Variants in GSE1 observed in about 807,000 individuals in gnomAD.
The protein encoded by GSE1 is Gse1 coiled-coil protein.
A neutral mutation model predicts 112.6 loss-of-function variants in GSE1; 32 were observed. The ratio of observed to expected loss-of-function variants is 0.28; its 90% CI spans 0.21 to 0.38. The LOEUF (loss-of-function observed/expected upper bound fraction) is 0.38. GSE1 is among the 10% of genes least tolerant of loss of function. The pLI, the probability that GSE1 is intolerant of heterozygous loss-of-function variation, is 1.00. For synonymous variants in GSE1, 1,115 were observed against 735.6 expected, an observed-to-expected ratio of 1.52 and a Z score of -8.35; for missense variants, 2,348 against 1,699.2, an observed-to-expected ratio of 1.38 and a Z score of -6.71.
rs139974156 is a variant in GSE1, at chr16:85,375,183, G to A, written c.2464+17540G>A. 1.9e-4 allele frequency among the ~76,000 whole-genome samples: 29 copies of A among 152,210 alleles called. No homozygotes were observed. The East Asian group carries it at 3.1e-3, about 16-fold the overall frequency. The stretch of plus-strand genomic sequence containing the variant: ...CCCAGCTCAGGCTGTGCGAGCTGCC[G>A]GCACCCTGCCTGTCACTGCCACTCT... On this transcript the variant is annotated intron_variant, in intron 2 of 2. Transcript: ENST00000637419.
intron 1 of GSE1, among the ~76,000 whole-genome samples, chr16:85,263,210 T>G (rs1233247921): frequency 6.6e-6 from 1 of 152,144 alleles, no homozygotes; most frequent in Non-Finnish European, 1.5e-5. Flanking sequence ...GAGATCATCA[T>G]CATCATGATG....
chr16:85,331,347 G>GTATA (rs1567692423), intron 1 of GSE1, among the ~76,000 whole-genome samples: 6 of 70,110 alleles, frequency 8.6e-5, no homozygotes. Flanking sequence ...GTGTGTGTGT[G>GTATA]TGTGTGTGTG....
chr16:85,581,259 C>G (rs2046437070), intron 1 of GSE1, among the ~76,000 whole-genome samples: 1 of 152,166 alleles, frequency 6.6e-6, no homozygotes, highest in Non-Finnish European at 1.5e-5. Context: ...GGATCTCTTT[C>G]TGCCCCATGC....
chr16:85,496,072 A>G (rs1231556043), intron 2 of GSE1, among the ~76,000 whole-genome samples: 1 of 152,166 alleles, frequency 6.6e-6, no homozygotes, highest in East Asian at 1.9e-4. Context: ...CCGGGTGCAG[A>G]ATCCATCCGA....
rs562924116 is a variant in GSE1, at chr16:85,390,293, A to C, written c.2464+32650A>C. On this transcript the variant is annotated intron_variant, in intron 2 of 2. Coordinates refer to the GSE1 transcript ENST00000637419. ...TGCTGGCGTTGGGGTGGGGGTCATC[A>C]CTCAAGTGACCAAGGGGAGGTGTCC... is the stretch of plus-strand genomic sequence containing the variant. Among the ~76,000 whole-genome samples, 103 of 151,854 alleles carry C rather than the reference A, an allele frequency of 6.8e-4. 1 individual carries two copies. In the Middle Eastern group the frequency reaches 0.01, roughly 15 times the overall value.
intron 1 of GSE1, among the ~76,000 whole-genome samples, chr16:85,346,863 A>G (rs1186460412): frequency 2.0e-5 from 3 of 150,826 alleles, no homozygotes; most frequent in African/African-American, 7.3e-5. Context: ...TGGGTGATGG[A>G]CAGGTAGATG....
chr16:85,459,471 T>C lies in GSE1; in HGVS notation c.2464+101828T>C, dbSNP rs78344484. 6.2e-3 allele frequency among the ~76,000 whole-genome samples: 937 copies of C among 152,314 alleles called. 8 individuals carry two copies. Among genetic ancestry groups the C allele is most frequent in the African/African-American group, 0.021 (886 of 41,568 alleles). ...GGACGACTATACTTGGCAGCCCTTT[T>C]CCCTGGGCTCTTGTTGGCTCCCATC... On this transcript the variant is annotated intron_variant, in intron 2 of 2. Coordinates refer to the GSE1 transcript ENST00000637419.
At chr16:85,454,640 C>T (rs1287125562) in intron 2 of GSE1, among the ~76,000 whole-genome samples, 3 of 152,228 alleles carry the variant, frequency 2.0e-5, no homozygotes, top group East Asian at 1.9e-4. Flanking sequence ...CGGCAGGACG[C>T]GTTCCTTGTG....
At chr16:85,366,624 C>A (rs999162134) in intron 2 of GSE1, among the ~76,000 whole-genome samples, 4 of 152,208 alleles carry the variant, frequency 2.6e-5, no homozygotes, top group African/African-American at 9.6e-5. Context: ...GACCCTCCCG[C>A]CCCTCTGTTT....
chr16:85,203,044 TCTGGCCCCAG>T (rs1054545993), intron 1 of GSE1, among the ~76,000 whole-genome samples: 3 of 146,830 alleles, frequency 2.0e-5, no homozygotes, highest in African/African-American at 7.4e-5. Flanking sequence ...GGAATGTGGC[TCTGGCCCCAG>T]CTGGCCTCGG....
chr16:85,298,792 G>A (rs748261090), intron 1 of GSE1, among the ~76,000 whole-genome samples: 4 of 152,242 alleles, frequency 2.6e-5, no homozygotes, highest in Admixed American at 6.5e-5. Flanking sequence ...GGCCAGGACC[G>A]CATTGTGAAC....
At chr16:85,344,419 C>T (rs2046690272) in intron 1 of GSE1, among the ~76,000 whole-genome samples, 2 of 152,242 alleles carry the variant, frequency 1.3e-5, no homozygotes, top group Admixed American at 6.5e-5. Flanking sequence ...CCGAAGCTCC[C>T]AGGACGACAG....
In GSE1 at chr16:85,311,650, G is replaced by A. The variant is rs184829622; in HGVS notation, c.2284-45813G>A. Among the ~76,000 whole-genome samples the A allele has an allele frequency of 3.4e-3, 515 of 152,284 alleles. 8 individuals carry two copies. The highest frequency in any genetic ancestry group is 0.012 in the African/African-American group (495 of 41,568). On this transcript the variant is annotated intron_variant, in intron 1 of 2. Transcript: ENST00000637419. The surrounding 1 kb of genome is among the most constrained non-coding windows in gnomAD (Gnocchi z 4.2). ...CCTTCTCCAGGGCCCCTTGGGCTGTGTACCTGGGCCTGGTGGCTCTGTCTG... is the reference window on the plus strand; with the variant it reads ...CCTTCTCCAGGGCCCCTTGGGCTGTATACCTGGGCCTGGTGGCTCTGTCTG...
In GSE1 at chr16:85,661,290, G is replaced by A; in HGVS notation, c.1785G>A (p.Leu595=). 1.2e-6 allele frequency: 2 copies of A among 1,612,894 alleles called. No homozygotes were observed. Among genetic ancestry groups the A allele is most frequent in the Non-Finnish European group, 8.5e-7 (1 of 1,179,978 alleles). The change falls in exon 9 of 16, where the codon TTG becomes TTA. Residue 595 remains leucine, a synonymous_variant. Coordinates refer to ENST00000253458, the MANE Select transcript of GSE1 (RefSeq NM_014615.5). ...WNPVSLMDNT[L]ETRRAESHSL... Reference sequence around the variant, plus strand: ...CCGTGTCCCTGATGGACAACACCTTGGAGACGCGGCGGGCCGAAAGCCACT... The same window carrying A: ...CCGTGTCCCTGATGGACAACACCTTAGAGACGCGGCGGGCCGAAAGCCACT...
chr16:85,233,624 G>A (rs557167554), intron 1 of GSE1, among the ~76,000 whole-genome samples: 158 of 152,306 alleles, frequency 1.0e-3, no homozygotes, highest in African/African-American at 3.5e-3. Flanking sequence ...GCATGTGTGT[G>A]TGTGCATGTG....
At chr16:85,529,622 C>A (rs949483993) in intron 2 of GSE1, among the ~76,000 whole-genome samples, 1 of 152,164 alleles carries the variant, frequency 6.6e-6, no homozygotes, top group African/African-American at 2.4e-5. Flanking sequence ...GGCCCCTTTT[C>A]CTTGCCTAAC....
chr16:85,193,954 CTTGTGTGTGTGTGTGCGCGCGCGTGT>C (rs986702755), intron 1 of GSE1, among the ~76,000 whole-genome samples: 1 of 152,070 alleles, frequency 6.6e-6, no homozygotes, highest in Non-Finnish European at 1.5e-5. Flanking sequence ...TGTACATGCA[CTTGTGTGTGTGTGTGCGCGCGCGTGT>C]TTGTGTGTGC....
intron 2 of GSE1, among the ~76,000 whole-genome samples, chr16:85,474,566 G>A (rs1303856022): frequency 4.6e-5 from 7 of 152,232 alleles, no homozygotes; most frequent in East Asian, 1.9e-4. Flanking sequence ...CTTGGGGAAC[G>A]TGCTTGCCTG....
At chr16:85,619,132 C>A (rs927582608) in intron 1 of GSE1, among the ~76,000 whole-genome samples, 2 of 152,208 alleles carry the variant, frequency 1.3e-5, no homozygotes, top group African/African-American at 4.8e-5. Flanking sequence ...CTTTAACAAC[C>A]GGAGGTTCTT....
Sources: gnomAD v4.1 joint callset for allele counts (sites outside exome capture counted in the v4.1 genomes callset) on GRCh38, gnomAD v4.1.1 for gene constraint, Gnocchi (gnomAD v3.1) non-coding constraint, MANE v1.5 for transcripts, NCBI Gene and HGNC (gene_info 2026-07-23, HGNC 2026-07-21) for gene names.